Variants in RBFOX1 observed in about 807,000 individuals in gnomAD.
RBFOX1 encodes the protein RNA binding fox-1 homolog 1.
RBFOX1 carries 8 observed loss-of-function variants against 57.7 expected under a neutral mutation model. That is an observed-to-expected ratio of 0.14 (90% CI 0.08 to 0.25). The LOEUF (loss-of-function observed/expected upper bound fraction) is 0.25, where lower values mean the gene tolerates loss of function less well. Among genes scored for constraint, RBFOX1 ranks in the 10% least tolerant of loss-of-function variants. RBFOX1 has a pLI of 1.00. For missense variants in RBFOX1, 611 were observed against 548.5 expected (o/e 1.11, Z -1.14); for synonymous variants, 326 against 222.4 (o/e 1.47, Z -4.15).
Position 6,312,760 on chromosome 16 carries a change from G to A in RBFOX1, c.-126-4235G>A, listed in dbSNP as rs142234735. Among the ~76,000 whole-genome samples the A allele has an allele frequency of 2.8e-3, 356 of 129,348 alleles. 1 individual carries two copies. The highest frequency in any genetic ancestry group is 9.6e-3 in the African/African-American group (324 of 33,772). The allele number at this position is 129,348 out of a possible 152,430, so 84.9% of individuals were successfully genotyped here. On this transcript the variant is annotated intron_variant, in intron 1 of 15. Transcript: ENST00000550418. Reference sequence around the variant, plus strand: ...TACTTCTTTCCTTCCCCCTCCCTCCGTCCCTCCCTGTTTCCCTACCTTCCA... The same window carrying A: ...TACTTCTTTCCTTCCCCCTCCCTCCATCCCTCCCTGTTTCCCTACCTTCCA...
At chr16:6,245,369 T>C (rs924381850) in intron 1 of RBFOX1, among the ~76,000 whole-genome samples, 5 of 152,182 alleles carry the variant, frequency 3.3e-5, no homozygotes, top group Admixed American at 3.3e-4. Flanking sequence ...TATGGTTATT[T>C]AAGACTCCCT....
intron 3 of RBFOX1, among the ~76,000 whole-genome samples, chr16:6,945,319 G>C (rs890444812): frequency 7.9e-5 from 12 of 152,192 alleles, no homozygotes; most frequent in African/African-American, 2.9e-4. Flanking sequence ...CTCAAACGCA[G>C]ATGCTTACCT....
At chr16:5,844,232 C>G (rs1307660961) in intron 3 of RBFOX1, among the ~76,000 whole-genome samples, 2 of 152,082 alleles carry the variant, frequency 1.3e-5, no homozygotes, top group African/African-American at 2.4e-5. Context: ...TTTTTTTCCA[C>G]CAACCTGACT....
intron 3 of RBFOX1, among the ~76,000 whole-genome samples, chr16:6,967,981 C>G (rs1014980088): frequency 1.3e-5 from 2 of 152,270 alleles, no homozygotes; most frequent in Middle Eastern, 3.4e-3. Flanking sequence ...GTTGGCAGTT[C>G]TGCTGATGAC....
intron 1 of RBFOX1, among the ~76,000 whole-genome samples, chr16:5,308,773 T>A (rs1029180804): frequency 1.3e-5 from 2 of 152,280 alleles, no homozygotes; most frequent in Middle Eastern, 6.8e-3. Context: ...AATATTTGTC[T>A]TATATTAAGT....
intron 3 of RBFOX1, among the ~76,000 whole-genome samples, chr16:5,636,274 G>T (rs2048683554): frequency 6.6e-6 from 1 of 152,192 alleles, no homozygotes; most frequent in South Asian, 2.1e-4. Flanking sequence ...TTTAAACCCG[G>T]GAGGTGGAAG....
intron 2 of RBFOX1, among the ~76,000 whole-genome samples, chr16:6,531,464 T>C (rs1448116326): frequency 6.6e-6 from 1 of 152,230 alleles, no homozygotes; most frequent in Non-Finnish European, 1.5e-5. Context: ...TGATTATGAT[T>C]ACATTTAGGA....
intron 5 of RBFOX1, among the ~76,000 whole-genome samples, chr16:7,577,446 C>T (rs192001257): frequency 6.6e-6 from 1 of 152,194 alleles, no homozygotes; most frequent in Admixed American, 6.5e-5. Flanking sequence ...CATGCACTGC[C>T]CTGTCTTGGA....
chr16:6,071,588 TAG>T (rs2095838734), intron 1 of RBFOX1, among the ~76,000 whole-genome samples: 1 of 152,224 alleles, frequency 6.6e-6, no homozygotes, highest in East Asian at 1.9e-4. Flanking sequence ...CAAATTAGTC[TAG>T]AGTGAAAAAT....
intron 2 of RBFOX1, among the ~76,000 whole-genome samples, chr16:6,565,246 T>TTTTTC (rs955643778): frequency 7.9e-6 from 1 of 127,314 alleles, no homozygotes; most frequent in Non-Finnish European, 1.7e-5. Context: ...GTGAAATGAC[T>TTTTTC]TTTTCTTTTC....
At chr16:7,482,190 C>G (rs2064134703) in intron 4 of RBFOX1, among the ~76,000 whole-genome samples, 1 of 152,170 alleles carries the variant, frequency 6.6e-6, no homozygotes, top group Non-Finnish European at 1.5e-5. Context: ...GTTACAGAAT[C>G]TAATATATGC....
intron 2 of RBFOX1, among the ~76,000 whole-genome samples, chr16:6,417,973 T>G (rs2152984058): frequency 8.5e-6 from 1 of 117,242 alleles, no homozygotes; most frequent in South Asian, 2.7e-4. Context: ...GCTCAGAAAT[T>G]ATTTTCTGAA....
intron 4 of RBFOX1, among the ~76,000 whole-genome samples, chr16:7,102,503 T>C (rs1308541909): frequency 6.6e-6 from 1 of 152,184 alleles, no homozygotes; most frequent in African/African-American, 2.4e-5. Flanking sequence ...CCAAAGTAGA[T>C]CTTATTACTG....
chr16:6,194,438 T>G (rs2097166840), intron 1 of RBFOX1, among the ~76,000 whole-genome samples: 1 of 152,202 alleles, frequency 6.6e-6, no homozygotes. Context: ...TAACGTGACT[T>G]GTTCCTCTCT....
chr16:6,310,771 A>G (rs1050909421), intron 1 of RBFOX1, among the ~76,000 whole-genome samples: 1 of 152,178 alleles, frequency 6.6e-6, no homozygotes, highest in African/African-American at 2.4e-5. Flanking sequence ...ACAGATGTCT[A>G]CAAATGAAGA....
intron 3 of RBFOX1, among the ~76,000 whole-genome samples, chr16:6,998,171 A>C (rs924789478): frequency 6.6e-6 from 1 of 152,198 alleles, no homozygotes; most frequent in Non-Finnish European, 1.5e-5. Flanking sequence ...AAATGAAAGC[A>C]GCCAAAGCAG....
rs536444161 is a variant in RBFOX1 at position 6,718,475 on chromosome 16, C to T, written c.-16+63825C>T. On this transcript the variant is annotated intron_variant, in intron 3 of 15. Coordinates refer to ENST00000550418, the MANE Select transcript of RBFOX1 (RefSeq NM_018723.4). ...AATTGATGATGGTGATAGGTGTTCA[C>T]GGTTGGACAGAGTCTTGAGAACAAT... Among the ~76,000 whole-genome samples the T allele has an allele frequency of 1.1e-4, 16 of 151,458 alleles. 1 individual carries two copies. The highest frequency in any genetic ancestry group is 6.8e-3 in the Middle Eastern group (2 of 294).
intron 3 of RBFOX1, among the ~76,000 whole-genome samples, chr16:6,685,701 C>T (rs11077067): frequency 0.039 from 5,877 of 152,120 alleles, 361 homozygotes; most frequent in African/African-American, 0.13. Flanking sequence ...AGGAGAAAAA[C>T]AAGATGGCCT....
At chr16:5,402,276 C>T (rs572902152) in intron 1 of RBFOX1, among the ~76,000 whole-genome samples, 1 of 152,166 alleles carries the variant, frequency 6.6e-6, no homozygotes, top group Non-Finnish European at 1.5e-5. Context: ...GAGCTCTCCT[C>T]CTCGCCTCTA....
Sources: allele counts gnomAD v4.1 joint callset (sites outside exome capture counted in the v4.1 genomes callset), GRCh38; gene constraint gnomAD v4.1.1; transcripts MANE v1.5; gene names NCBI Gene and HGNC (gene_info 2026-07-23, HGNC 2026-07-21).